Variants in DIS3L2 observed in about 807,000 individuals in gnomAD.
The protein encoded by DIS3L2 is DIS3-like exonuclease 2.
DIS3L2 carries 34 observed loss-of-function variants against 97.5 expected under a neutral mutation model. The ratio of observed to expected loss-of-function variants is 0.35; its 90% CI spans 0.27 to 0.46. The LOEUF (loss-of-function observed/expected upper bound fraction) is 0.46. Among genes scored for constraint, DIS3L2 ranks in the 20% least tolerant of loss-of-function variants. DIS3L2 has a pLI of 1.00. For synonymous variants in DIS3L2, 435 were observed against 445.2 expected (o/e 0.98, Z 0.29); for missense variants, 1,038 against 1,146.0 (o/e 0.91, Z 1.36).
intron 10 of DIS3L2, among the ~76,000 whole-genome samples, chr2:232,222,057 C>G (rs1332070317): frequency 6.6e-6 from 1 of 151,770 alleles, no homozygotes; most frequent in Non-Finnish European, 1.5e-5. Context: ...ATTCTCCTGC[C>G]TCAGCCTCCT....
At chr2:232,183,500 G>A (rs1559711937) in intron 9 of DIS3L2, among the ~76,000 whole-genome samples, 1 of 152,198 alleles carries the variant, frequency 6.6e-6, no homozygotes, top group Admixed American at 6.5e-5. Flanking sequence ...GAGCTTCAGG[G>A]TCAGCCAGAA....
chr2:232,035,097 G>T (rs1053437360), intron 5 of DIS3L2, among the ~76,000 whole-genome samples: 10 of 152,102 alleles, frequency 6.6e-5, no homozygotes, highest in African/African-American at 2.2e-4. Context: ...TGACAGTGGG[G>T]TGTTAAAGTC....
At chr2:232,176,432 T>C (rs969110640) in intron 9 of DIS3L2, among the ~76,000 whole-genome samples, 10 of 152,140 alleles carry the variant, frequency 6.6e-5, no homozygotes, top group Admixed American at 6.5e-5. Context: ...TCTTATTCTT[T>C]TTATTTCCTT....
chr2:232,044,549 G>A (rs1168033720), intron 5 of DIS3L2, among the ~76,000 whole-genome samples: 3 of 152,138 alleles, frequency 2.0e-5, no homozygotes, highest in Non-Finnish European at 4.4e-5. Context: ...GTTTCGACAT[G>A]TTGAGTTTGA....
rs145667394 is a variant in DIS3L2, at chr2:232,067,875, A to G, written c.367-19612A>G. Among the ~76,000 whole-genome samples, 296 of 152,268 alleles carry G rather than the reference A, an allele frequency of 1.9e-3. 2 individuals are homozygous for G. The highest frequency in any genetic ancestry group is 6.8e-3 in the African/African-American group (284 of 41,572). ...AAAGTGTTCCTCTTTTTCCCTGGTA[A>G]TGCCTTTTTTCTTGAATCACTGTGT... On this transcript the variant is annotated intron_variant, in intron 5 of 20. Transcript: ENST00000325385.
In DIS3L2 at chr2:231,975,874, A is replaced by G. The variant is rs111305940; in HGVS notation, c.-94+14109A>G. 7.1e-3 allele frequency among the ~76,000 whole-genome samples: 1,073 copies of G among 151,982 alleles called. 7 individuals are homozygous for G. Among genetic ancestry groups the G allele is most frequent in the African/African-American group, 0.015 (613 of 41,436 alleles). ...TTTCTGGAATACAATTCTAATAACT[A>G]TTACTTTCCTGTTCTTTATTCTCAC... is the stretch of plus-strand genomic sequence containing the variant. On this transcript the variant is annotated intron_variant, in intron 1 of 20. Transcript: ENST00000325385.
intron 14 of DIS3L2, among the ~76,000 whole-genome samples, chr2:232,327,056 C>A (rs1476368777): frequency 6.6e-6 from 1 of 152,184 alleles, no homozygotes; most frequent in Non-Finnish European, 1.5e-5. Context: ...TACTGAAAAC[C>A]ATGAGAAGGG....
chr2:232,142,722 A>C (rs998782552), intron 8 of DIS3L2, among the ~76,000 whole-genome samples: 2 of 152,170 alleles, frequency 1.3e-5, no homozygotes, highest in Non-Finnish European at 2.9e-5. Flanking sequence ...CATAGTACTG[A>C]GCCATAAGAA....
intron 9 of DIS3L2, among the ~76,000 whole-genome samples, chr2:232,209,932 C>T (rs964218453): frequency 3.9e-5 from 6 of 152,196 alleles, no homozygotes; most frequent in Non-Finnish European, 7.4e-5. Flanking sequence ...TGTTGGGTCC[C>T]ATCCCCCTGT....
At position 232,268,734 on chromosome 2, in the gene DIS3L2, C is replaced by T. The variant is rs1236813451; in HGVS notation, c.1659+5294C>T. On this transcript the variant is annotated intron_variant, in intron 13 of 20. Transcript: ENST00000325385. The surrounding 1 kb of genome is among the most constrained non-coding windows in gnomAD (Gnocchi z 4.1). ...AAGCAGGTTTGGCCTGTGGTCCATACTTTGCTGACCTCTGCTTAAACAGCC... is the reference window on the plus strand; with the variant it reads ...AAGCAGGTTTGGCCTGTGGTCCATATTTTGCTGACCTCTGCTTAAACAGCC... 1.3e-5 allele frequency among the ~76,000 whole-genome samples: 2 copies of T among 152,224 alleles called. No homozygotes were observed. The highest frequency in any genetic ancestry group is 4.8e-5 in the African/African-American group (2 of 41,446).
intron 9 of DIS3L2, among the ~76,000 whole-genome samples, chr2:232,199,208 G>T (rs543497174): frequency 6.6e-6 from 1 of 152,258 alleles, no homozygotes; most frequent in South Asian, 2.1e-4. Context: ...TATGAAAAAG[G>T]CTACAATTAT....
intron 14 of DIS3L2, among the ~76,000 whole-genome samples, chr2:232,315,818 G>A (rs1028271221): frequency 1.3e-5 from 2 of 152,152 alleles, no homozygotes; most frequent in Non-Finnish European, 2.9e-5. Context: ...GCCAACTTCC[G>A]CAGCTGCTCT....
At chr2:232,261,345 G>T (rs980041552) in intron 12 of DIS3L2, among the ~76,000 whole-genome samples, 7 of 152,068 alleles carry the variant, frequency 4.6e-5, no homozygotes, top group Admixed American at 2.0e-4. Flanking sequence ...CCCTACAACT[G>T]CCACACAGCC....
At chr2:232,256,896 T>A (rs1693581173) in intron 12 of DIS3L2, among the ~76,000 whole-genome samples, 1 of 152,158 alleles carries the variant, frequency 6.6e-6, no homozygotes, top group Non-Finnish European at 1.5e-5. Context: ...GGTGGGCAGA[T>A]CACCTGAGGT....
chr2:232,261,555 G>T (rs1426841222), intron 12 of DIS3L2, among the ~76,000 whole-genome samples: 1 of 152,200 alleles, frequency 6.6e-6, no homozygotes, highest in Non-Finnish European at 1.5e-5. Flanking sequence ...GCTGATGGGA[G>T]GCCGAAGCTC....
Position 232,226,893 on chromosome 2 carries a change from T to C in DIS3L2, c.1205-11640T>C, listed in dbSNP as rs545376603. On this transcript the variant is annotated intron_variant, in intron 10 of 20. Coordinates refer to ENST00000325385, the MANE Select transcript of DIS3L2 (RefSeq NM_152383.5). ...CTGAAGTGGAAGGATCACTTGAGCC[T>C]GAGGAGGTGGAAGCTGCAGTGGGCC... Among the ~76,000 whole-genome samples, 16 of 152,096 alleles carry C rather than the reference T, an allele frequency of 1.1e-4. No individual in the cohort carries two copies. In the South Asian group the frequency reaches 1.5e-3, roughly 14 times the overall value.
chr2:232,149,207 T>A (rs968278338), intron 8 of DIS3L2, among the ~76,000 whole-genome samples: 10 of 151,536 alleles, frequency 6.6e-5, no homozygotes, highest in East Asian at 3.9e-4. Context: ...TTTTTTTTTT[T>A]TTATTATATT....
At position 232,125,656 on chromosome 2, in the gene DIS3L2, G is replaced by A. The variant is rs1445431952; in HGVS notation, c.602-4963G>A. Among the ~76,000 whole-genome samples, 3 of 152,218 alleles carry A rather than the reference G, an allele frequency of 2.0e-5. No individual in the cohort carries two copies. The South Asian group carries it at 6.2e-4, about 32-fold the overall frequency. On this transcript the variant is annotated intron_variant, in intron 6 of 20. Coordinates refer to ENST00000325385, the MANE Select transcript of DIS3L2 (RefSeq NM_152383.5). ...ATTTTCATTAGCTCTATATCAGAGT[G>A]AAATTTGCTTAGGCCTAGGGATTTT...
In DIS3L2 at chr2:232,293,992, C is replaced by A. The variant is rs554427737; in HGVS notation, c.1660-6048C>A. ...GGCCCGGAGGTGGCAGGGACCAGGCCTGCCTCCACCAAGGCACTGGCTGCC... is the reference window on the plus strand; with the variant it reads ...GGCCCGGAGGTGGCAGGGACCAGGCATGCCTCCACCAAGGCACTGGCTGCC... On this transcript the variant is annotated intron_variant, in intron 13 of 20. Transcript: ENST00000325385. This position sits in a 1 kb window ranked among gnomAD's most constrained non-coding sequence, Gnocchi z 4.6. Among the ~76,000 whole-genome samples, 3 of 152,342 alleles carry A rather than the reference C, an allele frequency of 2.0e-5. No individual in the cohort carries two copies. The highest frequency in any genetic ancestry group is 4.4e-5 in the Non-Finnish European group (3 of 68,034).
Sources: allele counts gnomAD v4.1 joint callset (sites outside exome capture counted in the v4.1 genomes callset), GRCh38; gene constraint gnomAD v4.1.1; non-coding constraint Gnocchi (gnomAD v3.1); transcripts MANE v1.5; gene names NCBI Gene and HGNC (gene_info 2026-07-23, HGNC 2026-07-21).